Variants in LONRF1 observed in about 807,000 individuals in gnomAD.
The protein encoded by LONRF1 is LON peptidase N-terminal domain and RING finger protein 1.
Under a neutral mutation model 85.8 loss-of-function variants are expected in LONRF1, and 37 were observed. The ratio of observed to expected loss-of-function variants is 0.43; its 90% CI spans 0.33 to 0.57. LONRF1 has a LOEUF of 0.57. Ranked by LOEUF, LONRF1 falls within the 20% of genes least tolerant of loss-of-function variation. The pLI is 0.04. For missense variants in LONRF1, 1,036 were observed against 978.0 expected (o/e 1.06, Z -0.79); for synonymous variants, 517 against 390.1 (o/e 1.33, Z -3.83).
Position 12,722,870 on chromosome 8 carries a change from G to A in LONRF1, c.*226C>T. 2.2e-6 allele frequency: 1 copy of A among 449,596 alleles called. No individual in the cohort carries two copies. Among genetic ancestry groups the A allele is most frequent in the Non-Finnish European group, 4.0e-6 (1 of 249,304 alleles). 27.9% of individuals were successfully genotyped at this position (449,596 alleles called of 1,614,324 possible). A position where few individuals can be genotyped will look rare whatever the true frequency, so the allele number is the denominator to read the frequency against. ...GTACATAGTGCAACTTCACAATGTA[G>A]AGGTTCGACACACATTCAATGCGTG... On this transcript the variant is annotated 3_prime_UTR_variant, in exon 12 of 12. Transcript: ENST00000398246.
rs1798912189 is a variant in LONRF1, at chr8:12,740,988, G to A, written c.849C>T (p.Phe283=). 2 of 1,612,660 alleles carry A rather than the reference G, an allele frequency of 1.2e-6. No individual in the cohort carries two copies. The highest frequency in any genetic ancestry group is 1.3e-5 in the African/African-American group (1 of 74,802). The part of the protein sequence containing the change: ...FQLPDWPEVY[F]RKGKVLCDAG... ...CATCGCAGAGTACTTTTCCTTTCCT[G>A]AAGTAGACCTTTAATAAAAGCAGAT... The change falls in exon 3 of 12, where the codon TTC becomes TTT. Residue 283 remains phenylalanine, a synonymous_variant. Coordinates refer to ENST00000398246, the MANE Select transcript of LONRF1 (RefSeq NM_152271.5).
At chr8:12,744,505 C>G (rs889671707) in intron 1 of LONRF1, among the ~76,000 whole-genome samples, 1 of 152,100 alleles carries the variant, frequency 6.6e-6, no homozygotes, top group African/African-American at 2.4e-5. Flanking sequence ...TATGATTAAT[C>G]AATCAAGAAT....
chr8:12,731,963 T>G, intron 7 of LONRF1, 106 bp from the exon 8 acceptor site: 1 of 1,056,310 alleles, frequency 9.5e-7, no homozygotes, highest in South Asian at 1.7e-5. Flanking sequence ...ACTTATACCA[T>G]CAATTCTGGA....
intron 10 of LONRF1, among the ~76,000 whole-genome samples, chr8:12,726,377 C>T (rs767732079): frequency 1.1e-4 from 16 of 152,118 alleles, no homozygotes; most frequent in Non-Finnish European, 2.4e-4. Context: ...GGTCAAAACA[C>T]AAAAACAAAC....
chr8:12,746,789 C>T (rs1048907387), intron 1 of LONRF1, among the ~76,000 whole-genome samples: 3 of 152,074 alleles, frequency 2.0e-5, no homozygotes, highest in Admixed American at 6.6e-5. Context: ...TTGGTGGATT[C>T]GAGATTCTAA....
At chr8:12,729,098 A>G (rs756157262) in intron 9 of LONRF1, 35 bp from the exon 10 acceptor site, 1 of 1,612,470 alleles carries the variant, frequency 6.2e-7, no homozygotes, top group Non-Finnish European at 8.5e-7. Flanking sequence ...CAAAGTTGAA[A>G]CATAAACATG....
intron 2 of LONRF1, 127 bp from the exon 3 acceptor site, chr8:12,741,123 C>A: frequency 1.1e-6 from 1 of 928,628 alleles, no homozygotes; most frequent in Non-Finnish European, 1.6e-6. Context: ...GTAGCTCACG[C>A]CTGTAATCCC....
chr8:12,735,252 A>T, intron 7 of LONRF1, 34 bp downstream of exon 7: 9 of 1,425,570 alleles, frequency 6.3e-6, no homozygotes, highest in Non-Finnish European at 8.8e-6. Flanking sequence ...GCCAAACTTA[A>T]GACCAACAAA....
At position 12,741,002 on chromosome 8, in the gene LONRF1, A is replaced by G. The variant is rs1440375219; in HGVS notation, c.841-6T>C. ...TTTCCTTTCCTGAAGTAGACCTTTA[A>G]TAAAAGCAGATATATAAAACCTTTG... On this transcript the variant is annotated splice_region_variant and splice_polypyrimidine_tract_variant and intron_variant, in intron 2 of 11. Transcript: ENST00000398246. The G allele has an allele frequency of 6.2e-7, 1 of 1,610,486 alleles. No homozygotes were observed. The highest frequency in any genetic ancestry group is 1.1e-5 in the South Asian group (1 of 90,846).
chr8:12,747,486 G>C (rs934207887), intron 1 of LONRF1, among the ~76,000 whole-genome samples: 2 of 152,072 alleles, frequency 1.3e-5, no homozygotes, highest in Non-Finnish European at 2.9e-5. Flanking sequence ...AGCCAGTGTT[G>C]GTGTTAACAA....
chr8:12,729,466 GT>G, intron 8 of LONRF1, 134 bp from the exon 9 acceptor site: 1 of 862,286 alleles, frequency 1.2e-6, no homozygotes, highest in East Asian at 2.7e-5. Flanking sequence ...AAATAAGGTG[GT>G]TTTTATTCTT....
At chr8:12,729,400 T>C (rs891483736) in intron 8 of LONRF1, 68 bp from the exon 9 acceptor site, 14 of 1,480,884 alleles carry the variant, frequency 9.5e-6, no homozygotes, top group Non-Finnish European at 1.3e-5. Context: ...ATACAAAAAA[T>C]GAGTGAGGTT....
chr8:12,754,057 C>CG (rs1799523248), intron 1 of LONRF1: 1 of 152,262 alleles, frequency 6.6e-6, no homozygotes, highest in Non-Finnish European at 1.5e-5. Flanking sequence ...CCAAGCCCGG[C>CG]GGCCTGCAGG....
chr8:12,727,577 A>G (rs1585222247), intron 10 of LONRF1, among the ~76,000 whole-genome samples: 2 of 152,274 alleles, frequency 1.3e-5, no homozygotes, highest in Middle Eastern at 3.4e-3. Context: ...TATTGCCTAC[A>G]TGTTTGTAAG....
rs760421347 is a variant in LONRF1, at chr8:12,741,011, G to C, written c.841-15C>G. 1 of 1,609,878 alleles carries C rather than the reference G, an allele frequency of 6.2e-7. No individual in the cohort carries two copies. Among genetic ancestry groups the C allele is most frequent in the East Asian group, 2.2e-5 (1 of 44,794 alleles). ...CTGAAGTAGACCTTTAATAAAAGCA[G>C]ATATATAAAACCTTTGTGTTAAGAA... On this transcript the variant is annotated splice_polypyrimidine_tract_variant and intron_variant, in intron 2 of 11. Transcript: ENST00000398246.
At chr8:12,739,113 G>T (rs1798831735) in intron 3 of LONRF1, among the ~76,000 whole-genome samples, 1 of 151,914 alleles carries the variant, frequency 6.6e-6, no homozygotes, top group Non-Finnish European at 1.5e-5. Flanking sequence ...CTAGAACCCA[G>T]CAATTCCACT....
chr8:12,733,025 C>T (rs1399705620), intron 7 of LONRF1, among the ~76,000 whole-genome samples: 11 of 152,036 alleles, frequency 7.2e-5, no homozygotes, highest in East Asian at 1.9e-4. Flanking sequence ...TAGCATGAAT[C>T]GCGGCTTGTT....
intron 2 of LONRF1, among the ~76,000 whole-genome samples, chr8:12,742,335 C>T (rs1028770044): frequency 6.6e-6 from 1 of 152,198 alleles, no homozygotes; most frequent in Non-Finnish European, 1.5e-5. Flanking sequence ...TTAAAGAACA[C>T]ATTTGGACTA....
intron 2 of LONRF1, 26 bp from the exon 3 acceptor site, chr8:12,741,022 C>T (rs201952000): frequency 1.2e-6 from 2 of 1,607,316 alleles, no homozygotes; most frequent in African/African-American, 1.3e-5. Context: ...ATATATAAAA[C>T]CTTTGTGTTA....
Sources: gnomAD v4.1 joint callset for allele counts (sites outside exome capture counted in the v4.1 genomes callset) on GRCh38, gnomAD v4.1.1 for gene constraint, MANE v1.5 for transcripts, NCBI Gene and HGNC (gene_info 2026-07-23, HGNC 2026-07-21) for gene names.